The following SEPSECS variants were observed in gnomAD, a reference collection of about 807,000 sequenced individuals.
SEPSECS encodes Sep (O-phosphoserine) tRNA:Sec (selenocysteine) tRNA synthase, also known as O-phosphoseryl-tRNA(Sec) selenium transferase.
A neutral mutation model predicts 52.1 loss-of-function variants in SEPSECS; 42 were observed. The observed-to-expected ratio is 0.81, with a 90% confidence interval of 0.63 to 1.04. SEPSECS has a LOEUF of 1.04. Among genes scored for constraint, SEPSECS ranks in the 50% least tolerant of loss-of-function variants. The probability of loss-of-function intolerance (pLI) is 0.00; values close to 1 mark genes in which losing one functional copy is unlikely to be tolerated. For missense variants in SEPSECS, 590 were observed against 610.6 expected (o/e 0.97, Z 0.36); for synonymous variants, 216 against 211.4 (o/e 1.02, Z -0.19).
At chr4:25,144,509 A>G (rs1282008128) in intron 8 of SEPSECS, among the ~76,000 whole-genome samples, 1 of 151,810 alleles carries the variant, frequency 6.6e-6, no homozygotes. Flanking sequence ...ATTTTATTGA[A>G]TAAGAGTCCC....
intron 8 of SEPSECS, among the ~76,000 whole-genome samples, chr4:25,134,417 T>C (rs1402702990): frequency 1.3e-5 from 2 of 151,720 alleles, no homozygotes; most frequent in African/African-American, 4.8e-5. Flanking sequence ...TATGAGATGA[T>C]TATACAACAT....
In SEPSECS at chr4:25,122,843, G is replaced by A. The variant is rs528969191; in HGVS notation, c.*1088C>T. The stretch of plus-strand genomic sequence containing the variant: ...TTCAGACTCAGAAAAATGAGCACAT[G>A]GGCAAGTAGAGGGGAATACACCTGT... On this transcript the variant is annotated 3_prime_UTR_variant, in exon 11 of 11. Coordinates refer to ENST00000382103, the MANE Select transcript of SEPSECS (RefSeq NM_016955.4). The A allele has an allele frequency of 6.6e-6, 1 of 152,204 alleles. No individual in the cohort carries two copies. Among genetic ancestry groups the A allele is most frequent in the South Asian group, 2.1e-4 (1 of 4,816 alleles). 9.4% of individuals were successfully genotyped at this position (152,204 alleles called of 1,614,324 possible). A position where few individuals can be genotyped will look rare whatever the true frequency, so the allele number is the denominator to read the frequency against.
chr4:25,130,226 T>C (rs1382142081), intron 8 of SEPSECS, among the ~76,000 whole-genome samples: 3 of 152,238 alleles, frequency 2.0e-5, no homozygotes, highest in African/African-American at 4.8e-5. Flanking sequence ...TAAATGCCAA[T>C]GTGGTCACAT....
chr4:25,159,614 A>C (rs1343712580), intron 1 of SEPSECS: 1 of 389,166 alleles, frequency 2.6e-6, no homozygotes, highest in Non-Finnish European at 5.2e-6. Context: ...TCTACTAAAA[A>C]TACAAACATT....
At chr4:25,147,194 T>G (rs1006883866) in intron 6 of SEPSECS, among the ~76,000 whole-genome samples, 1 of 152,214 alleles carries the variant, frequency 6.6e-6, no homozygotes, top group Non-Finnish European at 1.5e-5. Flanking sequence ...TCACATGTAC[T>G]TCTTGAAGAG....
At chr4:25,133,439 T>C (rs370490124) in intron 8 of SEPSECS, among the ~76,000 whole-genome samples, 17 of 152,332 alleles carry the variant, frequency 1.1e-4, no homozygotes, top group Admixed American at 5.2e-4. Context: ...TGGATTCATT[T>C]ACTAGCTGAG....
At position 25,127,351 on chromosome 4, in the gene SEPSECS, A is replaced by C. The variant is rs1160390603; in HGVS notation, c.1033T>G (p.Phe345Val). 1 of 1,610,500 alleles carries C rather than the reference A, an allele frequency of 6.2e-7. No individual in the cohort carries two copies. Among genetic ancestry groups the C allele is most frequent in the Non-Finnish European group, 8.5e-7 (1 of 1,177,306 alleles). The change falls in exon 9 of 11, where the codon TTT becomes GTT. Residue 345 changes from phenylalanine (F) to valine (V), a missense_variant. Phe to Val is a conservative substitution (Grantham distance 50). Transcript: ENST00000382103. ...KKLLKERKEM[F>V]SYLSNQIKKL... ...TTTATTTGGTTGGACAAATATGAAA[A>C]CATTTCCTGCAACAACAAAATGTCA... is the stretch of plus-strand genomic sequence containing the variant.
intron 8 of SEPSECS, among the ~76,000 whole-genome samples, chr4:25,134,846 G>T (rs910860246): frequency 7.2e-5 from 11 of 152,024 alleles, no homozygotes; most frequent in African/African-American, 2.7e-4. Context: ...AAATGCAAAA[G>T]AACTGAAATC....
At chr4:25,157,024 G>T in intron 2 of SEPSECS, 50 bp from the exon 3 acceptor site, 2 of 948,502 alleles carry the variant, frequency 2.1e-6, no homozygotes, top group South Asian at 1.3e-5. Context: ...AGCATTCCGA[G>T]TAATACAATG....
At position 25,122,153 on chromosome 4, in the gene SEPSECS, AT is replaced by A. The variant is rs34922539; in HGVS notation, c.*1777del. ...GAAATGAGTTACTACACCTATGTAAATTTTTTTAATGTTTGAACCCCAAAGA... is the reference window on the plus strand; with the variant it reads ...GAAATGAGTTACTACACCTATGTAAATTTTTTAATGTTTGAACCCCAAAGA... On this transcript the variant is annotated 3_prime_UTR_variant, in exon 11 of 11. Transcript: ENST00000382103. 6.6e-6 allele frequency: 1 copy of A among 152,114 alleles called. No individual in the cohort carries two copies. The highest frequency in any genetic ancestry group is 1.5e-5 in the Non-Finnish European group (1 of 67,998). 9.4% of individuals were successfully genotyped at this position (152,114 alleles called of 1,614,324 possible).
chr4:25,160,555 G>A (rs898965324), upstream of SEPSECS: 3 of 520,118 alleles, frequency 5.8e-6, no homozygotes, highest in Non-Finnish European at 1.0e-5. Context: ...CTTCTCAGAT[G>A]GCGCTCCAGG....
chr4:25,140,040 C>T (rs992369851), intron 8 of SEPSECS, among the ~76,000 whole-genome samples: 6 of 152,152 alleles, frequency 3.9e-5, no homozygotes, highest in African/African-American at 1.4e-4. Flanking sequence ...GCTAGAAATA[C>T]GGCAGCTGAC....
At chr4:25,138,039 A>T (rs1241997528) in intron 8 of SEPSECS, among the ~76,000 whole-genome samples, 2 of 152,160 alleles carry the variant, frequency 1.3e-5, no homozygotes, top group African/African-American at 4.8e-5. Context: ...AGGGAGGGGA[A>T]CACCACACAA....
chr4:25,160,260 T>C lies in SEPSECS; in HGVS notation c.110A>G (p.Glu37Gly). Residue 37 changes from glutamate to glycine, a missense_variant, in exon 1 of 11, where the codon GAG (glutamate) becomes GGG (glycine). Glu to Gly is a moderately conservative substitution (Grantham distance 98, BLOSUM62 -2). Coordinates refer to ENST00000382103, the MANE Select transcript of SEPSECS (RefSeq NM_016955.4). The stretch of plus-strand genomic sequence containing the variant: ...AGGGGACCGACAGCTCGGTACCTTC[T>C]CCAGAAGCAGCCGTATGAGGTGCTC... Reference protein sequence around the residue: ...SHEHLIRLLLEKGKCPENGWD... With the variant: ...SHEHLIRLLLGKGKCPENGWD... The C allele has an allele frequency of 6.4e-7, 1 of 1,555,286 alleles. No individual in the cohort carries two copies. Among genetic ancestry groups the C allele is most frequent in the African/African-American group, 1.4e-5 (1 of 73,486 alleles).
chr4:25,141,591 C>A (rs1375470483), intron 8 of SEPSECS, among the ~76,000 whole-genome samples: 1 of 152,170 alleles, frequency 6.6e-6, no homozygotes, highest in Non-Finnish European at 1.5e-5. Flanking sequence ...CAGCCAATAT[C>A]ACTTCTTAAC....
At chr4:25,127,168 T>C in intron 9 of SEPSECS, 96 bp downstream of exon 9, 1 of 755,496 alleles carries the variant, frequency 1.3e-6, no homozygotes, top group Non-Finnish European at 2.2e-6. Flanking sequence ...TAAATATCAT[T>C]ATAACTAGAA....
intron 9 of SEPSECS, among the ~76,000 whole-genome samples, chr4:25,126,982 T>C (rs1057166606): frequency 6.6e-5 from 10 of 152,184 alleles, no homozygotes; most frequent in African/African-American, 1.9e-4. Context: ...TATTTATAAA[T>C]AGAGTTATGG....
At chr4:25,156,674 T>C (rs1233548175) in intron 3 of SEPSECS, among the ~76,000 whole-genome samples, 182 bp downstream of exon 3, 19 of 125,430 alleles carry the variant, frequency 1.5e-4, no homozygotes, top group East Asian at 1.4e-3. Context: ...CGCCACTGCA[T>C]TCCAGCCTGG....
chr4:25,146,331 G>A (rs1350107543), intron 6 of SEPSECS, among the ~76,000 whole-genome samples: 1 of 152,204 alleles, frequency 6.6e-6, no homozygotes, highest in Non-Finnish European at 1.5e-5. Context: ...GGGAAGAGGA[G>A]CAGCTGCTCT....
Sources: allele counts gnomAD v4.1 joint callset (sites outside exome capture counted in the v4.1 genomes callset), GRCh38; gene constraint gnomAD v4.1.1; transcripts MANE v1.5; gene names NCBI Gene and HGNC (gene_info 2026-07-23, HGNC 2026-07-21).